Variants in ELP3 observed in about 807,000 individuals in gnomAD.
ELP3 encodes the protein elongator acetyltransferase complex subunit 3.
ELP3 carries 56 observed loss-of-function variants against 74.9 expected under a neutral mutation model. That is an observed-to-expected ratio of 0.75 (90% CI 0.60 to 0.93). The LOEUF (loss-of-function observed/expected upper bound fraction) is 0.93, where lower values mean the gene tolerates loss of function less well. Ranked by LOEUF, ELP3 falls within the 40% of genes least tolerant of loss-of-function variation. The pLI is 0.00. For missense variants in ELP3, 573 were observed against 686.5 expected, an observed-to-expected ratio of 0.83 and a Z score of 1.85; for synonymous variants, 222 against 239.8, an observed-to-expected ratio of 0.93 and a Z score of 0.68.
chr8:28,164,517 G>T (rs1585733524), intron 14 of ELP3, among the ~76,000 whole-genome samples: 1 of 152,014 alleles, frequency 6.6e-6, no homozygotes, highest in East Asian at 1.9e-4. Context: ...TGCCTTCTTG[G>T]GACTCTAGTG....
Position 28,137,727 on chromosome 8 carries a change from C to G in ELP3, c.936C>G (p.Pro312=). 2 of 1,613,044 alleles carry G rather than the reference C, an allele frequency of 1.2e-6. No homozygotes were observed. Among genetic ancestry groups the G allele is most frequent in the Non-Finnish European group, 1.7e-6 (2 of 1,179,722 alleles). Residue 312 remains proline, a synonymous_variant, in exon 10 of 15, where the codon CCC becomes CCG. Coordinates refer to ENST00000256398, the MANE Select transcript of ELP3 (RefSeq NM_018091.6). ...TTTTTGAGAACCCTGCTTTTCGTCCCGATGGGCTGAAACTCTATCCTACCC... is the reference window on the plus strand; with the variant it reads ...TTTTTGAGAACCCTGCTTTTCGTCCGGATGGGCTGAAACTCTATCCTACCC... ...TEFFENPAFR[P]DGLKLYPTLV...
At chr8:28,148,967 T>C (rs1813538548) in intron 10 of ELP3, among the ~76,000 whole-genome samples, 1 of 152,176 alleles carries the variant, frequency 6.6e-6, no homozygotes, top group South Asian at 2.1e-4. Flanking sequence ...AGAGCCCTCA[T>C]GAATGGGGTT....
chr8:28,169,111 C>T (rs1327773593), intron 14 of ELP3, among the ~76,000 whole-genome samples: 2 of 152,176 alleles, frequency 1.3e-5, no homozygotes, highest in Non-Finnish European at 2.9e-5. Flanking sequence ...GGGATCATTT[C>T]CTTATGCACC....
chr8:28,167,763 T>G (rs1021765184), intron 14 of ELP3, among the ~76,000 whole-genome samples: 2 of 152,238 alleles, frequency 1.3e-5, no homozygotes, highest in Non-Finnish European at 2.9e-5. Context: ...AATGTACATT[T>G]TCTGGGTTCT....
intron 14 of ELP3, among the ~76,000 whole-genome samples, chr8:28,165,553 C>A (rs1814274017): frequency 6.6e-6 from 1 of 152,222 alleles, no homozygotes. Context: ...CCTAGATACT[C>A]TGTCCTGGCA....
rs199790884 is a variant in ELP3 at position 28,158,553 on chromosome 8, A to ATT, written c.1192-7_1192-6dup. Reference sequence around the variant, plus strand: ...CCCACCCCCCAACCCCGCTCACGCCATTTTTTTTTGACAGTGTCGAGATGT... The same window carrying ATT: ...CCCACCCCCCAACCCCGCTCACGCCATTTTTTTTTTTGACAGTGTCGAGATGT... On this transcript the variant is annotated splice_polypyrimidine_tract_variant and intron_variant, in intron 11 of 14. Transcript: ENST00000256398. 1.4e-5 allele frequency: 20 copies of ATT among 1,386,060 alleles called. No individual in the cohort carries two copies. The highest frequency in any genetic ancestry group is 1.1e-4 in the East Asian group (4 of 36,884). 85.9% of individuals were successfully genotyped at this position (1,386,060 alleles called of 1,614,324 possible). A position where few individuals can be genotyped will look rare whatever the true frequency, so the allele number is the denominator to read the frequency against.
intron 2 of ELP3, 151 bp from the exon 3 acceptor site, chr8:28,099,677 C>A: frequency 1.2e-6 from 1 of 859,168 alleles, no homozygotes; most frequent in Non-Finnish European, 1.8e-6. Flanking sequence ...CTTCTATTTC[C>A]CTGATAGTCA....
chr8:28,116,183 C>T (rs771204340), intron 7 of ELP3, among the ~76,000 whole-genome samples: 10 of 152,076 alleles, frequency 6.6e-5, no homozygotes, highest in Non-Finnish European at 1.2e-4. Context: ...CCTTTGTTCT[C>T]CTTGGGTTTG....
At chr8:28,109,743 A>G (rs754346930) in intron 5 of ELP3, among the ~76,000 whole-genome samples, 1 of 152,228 alleles carries the variant, frequency 6.6e-6, no homozygotes, top group Non-Finnish European at 1.5e-5. Flanking sequence ...GTTTGTGTTA[A>G]GTACTATGTG....
At chr8:28,148,731 G>A (rs777697371) in intron 10 of ELP3, among the ~76,000 whole-genome samples, 10 of 152,192 alleles carry the variant, frequency 6.6e-5, no homozygotes, top group Non-Finnish European at 8.8e-5. Flanking sequence ...GATAAATTAT[G>A]ATAAATCGCA....
rs369714163 is a variant in ELP3 at position 28,113,138 on chromosome 8, A to G, written c.582A>G (p.Ser194=). 1.9e-6 allele frequency: 3 copies of G among 1,613,778 alleles called. No individual in the cohort carries two copies. Among genetic ancestry groups the G allele is most frequent in the Non-Finnish European group, 2.5e-6 (3 of 1,179,880 alleles). The stretch of plus-strand genomic sequence containing the variant: ...TTCGAAATTTACATGATGCCTTATC[A>G]GGACATACTTCCAACAATATTTACG... ...YFIRNLHDAL[S]GHTSNNIYEA... Residue 194 remains serine, a synonymous_variant, in exon 7 of 15, where the codon TCA becomes TCG. Coordinates refer to ENST00000256398, the MANE Select transcript of ELP3 (RefSeq NM_018091.6).
At chr8:28,125,759 C>CTTTTTTTTTTTTTTTTT (rs755484214) in intron 7 of ELP3, among the ~76,000 whole-genome samples, 10 of 92,182 alleles carry the variant, frequency 1.1e-4, no homozygotes, top group Non-Finnish European at 1.6e-4. Context: ...AGTCATTTCT[C>CTTTTTTTTTTTTTTTTT]TTTTTTTTTT....
chr8:28,098,613 C>T (rs1299807915), intron 2 of ELP3, among the ~76,000 whole-genome samples: 3 of 152,190 alleles, frequency 2.0e-5, no homozygotes, highest in Admixed American at 6.5e-5. Context: ...CCTTAAAACT[C>T]GCCCCTCCTC....
intron 14 of ELP3, among the ~76,000 whole-genome samples, chr8:28,188,760 G>A (rs975556783): frequency 1.3e-5 from 2 of 152,170 alleles, no homozygotes; most frequent in Non-Finnish European, 2.9e-5. Context: ...CCTGAGCTCT[G>A]TGAGCCATTA....
chr8:28,117,781 A>C (rs528025742), intron 7 of ELP3, among the ~76,000 whole-genome samples: 1 of 152,300 alleles, frequency 6.6e-6, no homozygotes, highest in African/African-American at 2.4e-5. Context: ...GTTAAGGTAA[A>C]GTTTTACTAC....
intron 10 of ELP3, among the ~76,000 whole-genome samples, chr8:28,150,976 T>C (rs1813620764): frequency 6.6e-6 from 1 of 152,148 alleles, no homozygotes; most frequent in East Asian, 1.9e-4. Context: ...GGTCTCATTA[T>C]GTTGTCTAGG....
intron 3 of ELP3, among the ~76,000 whole-genome samples, chr8:28,100,368 C>T (rs969015679): frequency 2.6e-5 from 4 of 152,314 alleles, no homozygotes; most frequent in African/African-American, 9.6e-5. Flanking sequence ...CAGACAACAG[C>T]GATGTCCCTG....
At chr8:28,092,702 G>A (rs1234368660), upstream of ELP3, 1 of 187,744 alleles carries the variant, frequency 5.3e-6, no homozygotes, top group East Asian at 1.6e-4. Flanking sequence ...ATTCTTACTC[G>A]ATTCCCGCCT....
At chr8:28,174,135 C>A (rs1411685285) in intron 14 of ELP3, among the ~76,000 whole-genome samples, 2 of 151,970 alleles carry the variant, frequency 1.3e-5, no homozygotes, top group Non-Finnish European at 2.9e-5. Flanking sequence ...TGTTCTAGTT[C>A]TCCCTTTCCT....
Sources: allele counts gnomAD v4.1 joint callset (sites outside exome capture counted in the v4.1 genomes callset), GRCh38; gene constraint gnomAD v4.1.1; transcripts MANE v1.5; gene names NCBI Gene and HGNC (gene_info 2026-07-23, HGNC 2026-07-21).